PREX1: variants seen among roughly 807,000 people sequenced by gnomAD.
PREX1 encodes phosphatidylinositol-3,4,5-trisphosphate dependent Rac exchange factor 1, also known as phosphatidylinositol 3,4,5-trisphosphate-dependent Rac exchanger 1 protein.
Under a neutral mutation model 198.3 loss-of-function variants are expected in PREX1, and 41 were observed. That is an observed-to-expected ratio of 0.21 (90% CI 0.16 to 0.27). PREX1 has a LOEUF of 0.27. Among genes scored for constraint, PREX1 ranks in the 10% least tolerant of loss-of-function variants. The pLI is 1.00. For synonymous variants in PREX1, 843 were observed against 887.2 expected, an observed-to-expected ratio of 0.95 and a Z score of 0.89; for missense variants, 1,620 against 2,200.7, an observed-to-expected ratio of 0.74 and a Z score of 5.28.
At chr20:48,816,275 ATCCTGAGT>A in intron 1 of PREX1, among the ~76,000 whole-genome samples, 2 of 152,288 alleles carry the variant, frequency 1.3e-5, no homozygotes, top group Non-Finnish European at 1.5e-5. Context: ...GAGTAGAATA[ATCCTGAGT>A]TCAAACCCAC....
chr20:48,705,703 C>T (rs914401688), intron 6 of PREX1, among the ~76,000 whole-genome samples: 1 of 152,198 alleles, frequency 6.6e-6, no homozygotes, highest in Non-Finnish European at 1.5e-5. Context: ...TTTCACAAGT[C>T]ACCTTGAGGA....
At chr20:48,679,320 G>A in intron 13 of PREX1, 40 bp downstream of exon 13, 1 of 1,572,326 alleles carries the variant, frequency 6.4e-7, no homozygotes, top group Non-Finnish European at 8.8e-7. Context: ...CAGCTGAGAA[G>A]AGGTAGAGGT....
chr20:48,696,545 G>A (rs1435518661), intron 7 of PREX1, among the ~76,000 whole-genome samples: 2 of 152,028 alleles, frequency 1.3e-5, no homozygotes, highest in Non-Finnish European at 2.9e-5. Context: ...AATTGTCTTA[G>A]CTATTTCTAT....
chr20:48,736,398 A>AC (rs1409362788), intron 3 of PREX1, among the ~76,000 whole-genome samples: 2 of 152,094 alleles, frequency 1.3e-5, no homozygotes, highest in African/African-American at 4.8e-5. Flanking sequence ...AAACACCACC[A>AC]CCAATGTCAG....
intron 4 of PREX1, among the ~76,000 whole-genome samples, chr20:48,726,742 C>G (rs1466522327): frequency 6.6e-6 from 1 of 152,180 alleles, no homozygotes; most frequent in Non-Finnish European, 1.5e-5. Flanking sequence ...AAAAATTCAC[C>G]CATTCCTGGT....
intron 14 of PREX1, among the ~76,000 whole-genome samples, chr20:48,673,825 G>T (rs532075732): frequency 6.6e-6 from 1 of 152,296 alleles, no homozygotes; most frequent in Admixed American, 6.5e-5. Flanking sequence ...AGGAATCATA[G>T]TAATAGTTAA....
chr20:48,811,882 G>A (rs2090438128), intron 1 of PREX1, among the ~76,000 whole-genome samples: 1 of 152,216 alleles, frequency 6.6e-6, no homozygotes, highest in South Asian at 2.1e-4. Context: ...CTTAGCTGTT[G>A]GACAAAAGCA....
chr20:48,816,029 GAAAAA>G (rs35288307), intron 1 of PREX1, among the ~76,000 whole-genome samples: 2 of 124,628 alleles, frequency 1.6e-5, no homozygotes, highest in African/African-American at 5.8e-5. Context: ...AGAAAAAAAG[GAAAAA>G]AAAAAAAAAA....
intron 1 of PREX1, among the ~76,000 whole-genome samples, chr20:48,808,153 G>A (rs1029925476): frequency 6.6e-6 from 1 of 152,172 alleles, no homozygotes; most frequent in Non-Finnish European, 1.5e-5. Context: ...GGGGAACAAC[G>A]GGGTGCTTCC....
intron 1 of PREX1, among the ~76,000 whole-genome samples, chr20:48,759,376 C>T (rs562294032): frequency 6.6e-6 from 1 of 151,802 alleles, no homozygotes; most frequent in African/African-American, 2.4e-5. Flanking sequence ...ATAGTGAAAC[C>T]CTGTCTCTAC....
chr20:48,627,124 GGATCAGCTAAAAT>G (rs2089278716), intron 39 of PREX1, among the ~76,000 whole-genome samples: 1 of 152,136 alleles, frequency 6.6e-6, no homozygotes, highest in Non-Finnish European at 1.5e-5. Context: ...AGCTTAGGTT[GGATCAGCTAAAAT>G]CACAGAATTC....
At chr20:48,850,444 C>T in the PREX1 span, among the ~76,000 whole-genome samples, 1 of 152,042 alleles carries the variant, frequency 6.6e-6, no homozygotes, top group African/African-American at 2.4e-5. Flanking sequence ...GGGAAGTCAC[C>T]GGTGACCTTT....
At chr20:48,671,485 G>C (rs1271480315) in intron 14 of PREX1, among the ~76,000 whole-genome samples, 3 of 152,344 alleles carry the variant, frequency 2.0e-5, no homozygotes, top group African/African-American at 7.2e-5. Context: ...GTATTAATAA[G>C]TCAGGTTTCC....
intron 1 of PREX1, among the ~76,000 whole-genome samples, chr20:48,785,206 A>G (rs2090306633): frequency 6.6e-6 from 1 of 152,066 alleles, no homozygotes; most frequent in Non-Finnish European, 1.5e-5. Context: ...GAGCCACTGC[A>G]CCCAGCCAGA....
rs570145860 is a variant in PREX1, at chr20:48,630,289, G to A, written c.4593+439C>T. ...GGAGCTGCTCCCAGCTCGGAGCAAC[G>A]GGGACATGTGGCAACATGGTCCCCA... is the stretch of plus-strand genomic sequence containing the variant. On this transcript the variant is annotated intron_variant, in intron 36 of 39. Transcript: ENST00000371941. Among the ~76,000 whole-genome samples, 8 of 152,308 alleles carry A rather than the reference G, an allele frequency of 5.3e-5. No individual in the cohort carries two copies. In the South Asian group the frequency reaches 8.3e-4, roughly 16 times the overall value.
chr20:48,704,785 G>A (rs182511686), intron 6 of PREX1, among the ~76,000 whole-genome samples: 78 of 152,248 alleles, frequency 5.1e-4, no homozygotes, highest in East Asian at 3.5e-3. Flanking sequence ...CAAACTCCTG[G>A]CCTCAGGTGA....
Position 48,688,769 on chromosome 20 carries a change from T to A in PREX1, c.1222A>T (p.Met408Leu), listed in dbSNP as rs769704154. The A allele has an allele frequency of 1.2e-6, 2 of 1,614,144 alleles. No homozygotes were observed. The highest frequency in any genetic ancestry group is 1.7e-6 in the Non-Finnish European group (2 of 1,180,006). Residue 408 changes from methionine to leucine, a missense_variant, in exon 10 of 40, where the codon ATG becomes TTG. Transcript: ENST00000371941. ...AGCTTCTCCCCCTTCTCCGCAATCA[T>A]GACGTAGGCATCACGCTCCATGCCC... is the stretch of plus-strand genomic sequence containing the variant. ...KLGMERDAYV[M>L]IAEKGEKLYH...
chr20:48,768,851 G>A (rs1168208009), intron 1 of PREX1, among the ~76,000 whole-genome samples: 5 of 152,034 alleles, frequency 3.3e-5, no homozygotes, highest in African/African-American at 4.8e-5. Context: ...TGGAGGCAAA[G>A]AATGTTCTAG....
chr20:48,731,477 G>T (rs569951515), intron 4 of PREX1, among the ~76,000 whole-genome samples: 1 of 152,324 alleles, frequency 6.6e-6, no homozygotes, highest in East Asian at 1.9e-4. Context: ...CCCGTAGAAT[G>T]ATCCCTACCG....
Sources: allele counts gnomAD v4.1 joint callset (sites outside exome capture counted in the v4.1 genomes callset), GRCh38; gene constraint gnomAD v4.1.1; transcripts MANE v1.5; gene names NCBI Gene and HGNC (gene_info 2026-07-23, HGNC 2026-07-21).